The following HRH1 variants were observed in gnomAD, a reference collection of about 807,000 sequenced individuals.
The protein encoded by HRH1 is histamine receptor H1.
HRH1 carries 6 observed loss-of-function variants against 10.3 expected under a neutral mutation model. That is an observed-to-expected ratio of 0.58 (90% CI 0.32 to 1.15). The LOEUF (loss-of-function observed/expected upper bound fraction) is 1.15, where lower values mean the gene tolerates loss of function less well. HRH1 is among the 50% of genes most tolerant of loss of function. The pLI is 0.05. For synonymous variants in HRH1, 242 were observed against 236.7 expected (o/e 1.02, Z -0.21); for missense variants, 514 against 615.3 (o/e 0.84, Z 1.74).
intron 1 of HRH1, among the ~76,000 whole-genome samples, chr3:11,184,002 G>T (rs1937407289): frequency 6.6e-6 from 1 of 151,762 alleles, no homozygotes; most frequent in Non-Finnish European, 1.5e-5. Flanking sequence ...CTCCATGCCT[G>T]GGACCTCCTA....
intron 1 of HRH1, among the ~76,000 whole-genome samples, chr3:11,222,695 G>C (rs1938746171): frequency 6.6e-6 from 1 of 152,020 alleles, no homozygotes; most frequent in Non-Finnish European, 1.5e-5. Flanking sequence ...TGCACAAATA[G>C]TAAGGCAGAA....
chr3:11,223,187 A>G (rs1938768545), intron 1 of HRH1, among the ~76,000 whole-genome samples: 1 of 140,744 alleles, frequency 7.1e-6, no homozygotes, highest in African/African-American at 2.8e-5. Context: ...TCGTCTCAAA[A>G]AAAAAAAAAA....
intron 1 of HRH1, among the ~76,000 whole-genome samples, chr3:11,179,349 G>A (rs145613327): frequency 2.4e-3 from 366 of 151,810 alleles, no homozygotes; most frequent in African/African-American, 8.3e-3. Flanking sequence ...GGCCGGGCGC[G>A]GTGGCTCACG....
At chr3:11,137,820 CTT>C (rs1233207318) in intron 1 of HRH1, among the ~76,000 whole-genome samples, 2 of 152,104 alleles carry the variant, frequency 1.3e-5, no homozygotes, top group African/African-American at 4.8e-5. Flanking sequence ...AAGTTGTCCT[CTT>C]GAGTGAGGCC....
chr3:11,243,511 A>C (rs1480922533), intron 1 of HRH1, among the ~76,000 whole-genome samples: 2 of 152,388 alleles, frequency 1.3e-5, no homozygotes, highest in East Asian at 3.9e-4. Context: ...GAAAGGAACA[A>C]GTAAGAGTTT....
chr3:11,204,933 C>T (rs1380549655), intron 1 of HRH1, among the ~76,000 whole-genome samples: 1 of 152,156 alleles, frequency 6.6e-6, no homozygotes, highest in Non-Finnish European at 1.5e-5. Flanking sequence ...CCCAACCAGG[C>T]TCCCTCCAGC....
chr3:11,217,147 C>G (rs1353193771), intron 1 of HRH1, among the ~76,000 whole-genome samples: 7 of 150,860 alleles, frequency 4.6e-5, no homozygotes, highest in Non-Finnish European at 1.0e-4. Context: ...GATTGCGCCA[C>G]TGCACCCCAG....
At chr3:11,165,436 A>C (rs1193458002) in intron 1 of HRH1, among the ~76,000 whole-genome samples, 1 of 152,222 alleles carries the variant, frequency 6.6e-6, no homozygotes, top group Non-Finnish European at 1.5e-5. Flanking sequence ...TTCTGATATT[A>C]AGTGCTCCCC....
intron 1 of HRH1, among the ~76,000 whole-genome samples, chr3:11,221,844 G>A (rs1232866785): frequency 1.3e-5 from 2 of 152,122 alleles, no homozygotes; most frequent in Admixed American, 6.5e-5. Context: ...GAATCATGCA[G>A]TATTTCTCTT....
chr3:11,172,710 T>C lies in HRH1; in HGVS notation c.-36+18156T>C, dbSNP rs766391343. Among the ~76,000 whole-genome samples the C allele has an allele frequency of 2.8e-3, 421 of 149,212 alleles. 3 individuals carry two copies. The highest frequency in any genetic ancestry group is 5.1e-3 in the Non-Finnish European group (347 of 67,506). On this transcript the variant is annotated intron_variant, in intron 1 of 1. Transcript: ENST00000431010. ...TTTGTGGCTTTTGGCGAATCTTTTT[T>C]TTTTTTTTTTGAGATGGAGTCTCGC... is the stretch of plus-strand genomic sequence containing the variant.
chr3:11,233,667 C>T (rs1229614526), intron 1 of HRH1, among the ~76,000 whole-genome samples: 4 of 152,122 alleles, frequency 2.6e-5, no homozygotes, highest in Admixed American at 6.6e-5. Flanking sequence ...AAATCTTCAT[C>T]GTCCAAACAC....
intron 1 of HRH1, among the ~76,000 whole-genome samples, chr3:11,169,457 C>G (rs1470428260): frequency 6.6e-6 from 1 of 152,130 alleles, no homozygotes; most frequent in East Asian, 1.9e-4. Context: ...TTCCATTGCT[C>G]ACACCCCAGC....
At chr3:11,216,255 C>T (rs1019341793) in intron 1 of HRH1, among the ~76,000 whole-genome samples, 13 of 152,212 alleles carry the variant, frequency 8.5e-5, no homozygotes, top group Admixed American at 2.6e-4. Context: ...TGCCACCCAA[C>T]AATTCCGTTT....
chr3:11,211,516 C>A lies in HRH1; in HGVS notation c.-35-47487C>A, dbSNP rs1309055917. The stretch of plus-strand genomic sequence containing the variant: ...AGGCATTTCTGTTATACTTCATGAT[C>A]AGAGGCTTAGGCAAGGTCTGACCCC... On this transcript the variant is annotated intron_variant, in intron 1 of 1. Transcript: ENST00000431010. 3.9e-5 allele frequency among the ~76,000 whole-genome samples: 6 copies of A among 152,216 alleles called. No individual in the cohort carries two copies. In the East Asian group the frequency reaches 1.2e-3, roughly 29 times the overall value.
intron 1 of HRH1, among the ~76,000 whole-genome samples, chr3:11,223,178 C>T (rs1263655874): frequency 5.6e-5 from 5 of 89,066 alleles, no homozygotes; most frequent in African/African-American, 2.2e-4. Context: ...AGCGAGACTT[C>T]GTCTCAAAAA....
At position 11,259,876 on chromosome 3, in the gene HRH1, C is replaced by T. The variant is rs1939894274; in HGVS notation, c.839C>T (p.Pro280Leu). The change falls in exon 2 of 2, where the codon CCC (proline) becomes CTC (leucine). Residue 280 changes from proline (P) to leucine (L), a missense_variant. Physicochemically the swap from Pro to Leu is moderately conservative, Grantham distance 98 (BLOSUM62 -3). Transcript: ENST00000431010. This position sits in a 1 kb window ranked among gnomAD's most constrained non-coding sequence, Gnocchi z 4.6. ...GSVLKSPSQTPKEMKSPVVFS... is the reference protein window; with the variant it reads ...GSVLKSPSQTLKEMKSPVVFS... Reference sequence around the variant, plus strand: ...GTCTTGAAGTCACCATCCCAAACCCCCAAGGAGATGAAATCCCCAGTTGTC... The same window carrying T: ...GTCTTGAAGTCACCATCCCAAACCCTCAAGGAGATGAAATCCCCAGTTGTC... 1 of 1,613,960 alleles carries T rather than the reference C, an allele frequency of 6.2e-7. No homozygotes were observed. The highest frequency in any genetic ancestry group is 1.3e-5 in the African/African-American group (1 of 74,900).
chr3:11,150,090 T>C (rs1259724350), upstream of HRH1, among the ~76,000 whole-genome samples: 1 of 152,266 alleles, frequency 6.6e-6, no homozygotes, highest in Non-Finnish European at 1.5e-5. Context: ...TGAAAGTGCC[T>C]TTCTGAAAGG....
chr3:11,201,970 C>G (rs1056507775), intron 1 of HRH1, among the ~76,000 whole-genome samples: 2 of 152,208 alleles, frequency 1.3e-5, no homozygotes, highest in African/African-American at 2.4e-5. Context: ...CCCCCCTCAC[C>G]GGGGCAGGCA....
In HRH1 at chr3:11,230,121, C is replaced by T. The variant is rs778483064; in HGVS notation, c.-35-28882C>T. On this transcript the variant is annotated intron_variant, in intron 1 of 1. Transcript: ENST00000431010. ...TGGCTGGCCTCTAGAAGGCCAGTGACGGACAGGAGACACCAGAGCATGTTC... is the reference window on the plus strand; with the variant it reads ...TGGCTGGCCTCTAGAAGGCCAGTGATGGACAGGAGACACCAGAGCATGTTC... Among the ~76,000 whole-genome samples, 10 of 152,090 alleles carry T rather than the reference C, an allele frequency of 6.6e-5. No individual in the cohort carries two copies. In the East Asian group the frequency reaches 7.7e-4, roughly 12 times the overall value.
Sources: allele counts gnomAD v4.1 joint callset (sites outside exome capture counted in the v4.1 genomes callset), GRCh38; gene constraint gnomAD v4.1.1; non-coding constraint Gnocchi (gnomAD v3.1); transcripts MANE v1.5; gene names NCBI Gene and HGNC (gene_info 2026-07-23, HGNC 2026-07-21).